The following RTF1 variants were observed in gnomAD, a reference collection of about 807,000 sequenced individuals.
RTF1 encodes the protein RNA polymerase-associated protein RTF1 homolog.
RTF1 carries 10 observed loss-of-function variants against 95.7 expected under a neutral mutation model. That is an observed-to-expected ratio of 0.10 (90% CI 0.06 to 0.18). RTF1 has a LOEUF of 0.18. Among genes scored for constraint, RTF1 ranks in the 10% least tolerant of loss-of-function variants. The pLI is 1.00. For synonymous variants in RTF1, 305 were observed against 311.8 expected (o/e 0.98, Z 0.23); for missense variants, 458 against 875.6 (o/e 0.52, Z 6.02).
chr15:41,478,676 A>G lies in RTF1; in HGVS notation c.1818+51A>G, dbSNP rs768254137. Reference sequence around the variant, plus strand: ...GTCAGGACCTAGATTCTAGGACACAAAATGAATTCCATTAGGAAATTAATA... The same window carrying G: ...GTCAGGACCTAGATTCTAGGACACAGAATGAATTCCATTAGGAAATTAATA... On this transcript the variant is annotated intron_variant, in intron 15 of 17. Transcript: ENST00000389629. 1.1e-4 allele frequency: 155 copies of G among 1,362,624 alleles called. 1 individual carries two copies. Among genetic ancestry groups the G allele is most frequent in the Non-Finnish European group, 1.4e-4 (130 of 957,454 alleles). 84.4% of individuals were successfully genotyped at this position (1,362,624 alleles called of 1,614,324 possible).
At chr15:41,448,103 C>G (rs1347204128) in intron 2 of RTF1, among the ~76,000 whole-genome samples, 1 of 152,068 alleles carries the variant, frequency 6.6e-6, no homozygotes, top group Non-Finnish European at 1.5e-5. Flanking sequence ...CATATCAATT[C>G]TGCTTAGACT....
Position 41,466,251 on chromosome 15 carries a change from A to G in RTF1, c.888A>G (p.Thr296=). 6.5e-7 allele frequency: 1 copy of G among 1,547,120 alleles called. No homozygotes were observed. The highest frequency in any genetic ancestry group is 8.7e-7 in the Non-Finnish European group (1 of 1,147,500). ...AGCGAGAAAAACGAAAGAACAGAAC[A>G]GGTAAGCGAGGGAAATATAATGGCT... The part of the protein sequence containing the change: ...KAEREKRKNR[T]AELLAKKQPL... The change falls in exon 6 of 18, where the codon ACA becomes ACG. Residue 296 remains threonine, a splice_region_variant and synonymous_variant. Transcript: ENST00000389629.
At chr15:41,471,141 A>G (rs371187841) in intron 7 of RTF1, 31 bp from the exon 8 acceptor site, 1 of 1,558,622 alleles carries the variant, frequency 6.4e-7, no homozygotes, top group African/African-American at 1.4e-5. Flanking sequence ...TATGATGAAC[A>G]TTTTTTCCAG....
intron 1 of RTF1, among the ~76,000 whole-genome samples, chr15:41,421,592 T>C (rs2050601842): frequency 6.6e-6 from 1 of 151,480 alleles, no homozygotes; most frequent in Admixed American, 6.6e-5. Flanking sequence ...GGTCCCACCG[T>C]TTCTCTTCAG....
intron 1 of RTF1, among the ~76,000 whole-genome samples, chr15:41,437,392 AG>A (rs1408273332): frequency 6.6e-6 from 1 of 151,584 alleles, no homozygotes; most frequent in Non-Finnish European, 1.5e-5. Context: ...GCTACTCGGG[AG>A]GCTGAGGCAG....
chr15:41,423,519 G>A (rs547828088), intron 1 of RTF1, among the ~76,000 whole-genome samples: 24 of 151,540 alleles, frequency 1.6e-4, no homozygotes, highest in Middle Eastern at 3.5e-3. Flanking sequence ...ACAGGCACGC[G>A]CCACCACTCC....
intron 8 of RTF1, among the ~76,000 whole-genome samples, chr15:41,473,146 T>G (rs2050923066): frequency 6.6e-6 from 1 of 152,044 alleles, no homozygotes; most frequent in African/African-American, 2.4e-5. Context: ...TTTGTTTTGT[T>G]TTTTTGAGAC....
Position 41,477,455 on chromosome 15 carries a change from C to T in RTF1, c.1683-3C>T. 6.2e-7 allele frequency: 1 copy of T among 1,614,228 alleles called. No homozygotes were observed. Among genetic ancestry groups the T allele is most frequent in the Admixed American group, 1.7e-5 (1 of 60,028 alleles). ...CCACTGACTCATCCCTCTTACCCCA[C>T]AGTTACATCAACCAGCGGAACCGGG... On this transcript the variant is annotated splice_region_variant and splice_polypyrimidine_tract_variant and intron_variant, in intron 13 of 17. Coordinates refer to ENST00000389629, the MANE Select transcript of RTF1 (RefSeq NM_015138.5).
chr15:41,478,460 C>A, intron 14 of RTF1, 88 bp from the exon 15 acceptor site: 3 of 935,528 alleles, frequency 3.2e-6, no homozygotes, highest in South Asian at 1.5e-5. Context: ...TTTTCAGTCC[C>A]GTGCAAAGAC....
intron 1 of RTF1, 54 bp from the exon 2 acceptor site, chr15:41,438,267 T>A: frequency 8.2e-7 from 1 of 1,223,672 alleles, no homozygotes; most frequent in Non-Finnish European, 1.2e-6. Flanking sequence ...TTATTATTCT[T>A]GGATATTCTT....
intron 2 of RTF1, among the ~76,000 whole-genome samples, chr15:41,443,259 G>A (rs1282507162): frequency 6.6e-6 from 1 of 152,188 alleles, no homozygotes; most frequent in African/African-American, 2.4e-5. Context: ...TGTCATATTA[G>A]TGAGGAAATA....
rs181700930 is a variant in RTF1 at position 41,479,998 on chromosome 15, C to T, written c.1915-216C>T. ...TAAGCCCACCCTTTCTACACTCATACCACAGACACAAGCCTGCCCTCTTCT... is the reference window on the plus strand; with the variant it reads ...TAAGCCCACCCTTTCTACACTCATATCACAGACACAAGCCTGCCCTCTTCT... On this transcript the variant is annotated intron_variant, in intron 16 of 17. Coordinates refer to ENST00000389629, the MANE Select transcript of RTF1 (RefSeq NM_015138.5). 2.0e-5 allele frequency among the ~76,000 whole-genome samples: 3 copies of T among 152,286 alleles called. No homozygotes were observed. In the East Asian group the frequency reaches 5.8e-4, roughly 29 times the overall value.
At chr15:41,479,822 C>T (rs1427276638) in intron 16 of RTF1, among the ~76,000 whole-genome samples, 3 of 149,844 alleles carry the variant, frequency 2.0e-5, no homozygotes, top group Admixed American at 1.3e-4. Context: ...AAGATTGCAC[C>T]GTTGTACTCC....
chr15:41,457,416 C>T (rs899684648), intron 3 of RTF1, among the ~76,000 whole-genome samples: 1 of 151,892 alleles, frequency 6.6e-6, no homozygotes, highest in Non-Finnish European at 1.5e-5. Flanking sequence ...ATCTGTAATC[C>T]CTGCTACTTG....
intron 1 of RTF1, among the ~76,000 whole-genome samples, chr15:41,437,531 G>A: frequency 6.6e-6 from 1 of 152,038 alleles, no homozygotes; most frequent in East Asian, 1.9e-4. Flanking sequence ...CTGGCATCTA[G>A]TGAGTACAGT....
Position 41,470,240 on chromosome 15 carries a change from C to G in RTF1, c.890-17C>G. ...TTGTTGAGAAAACCTAGGTAAACATCTCTTCTTTCTTTCTAGCTGAGCTCC... is the reference window on the plus strand; with the variant it reads ...TTGTTGAGAAAACCTAGGTAAACATGTCTTCTTTCTTTCTAGCTGAGCTCC... On this transcript the variant is annotated splice_polypyrimidine_tract_variant and intron_variant, in intron 6 of 17. Coordinates refer to ENST00000389629, the MANE Select transcript of RTF1 (RefSeq NM_015138.5). 2 of 1,605,618 alleles carry G rather than the reference C, an allele frequency of 1.2e-6. No individual in the cohort carries two copies. Among genetic ancestry groups the G allele is most frequent in the Non-Finnish European group, 1.7e-6 (2 of 1,175,590 alleles).
At chr15:41,479,731 C>T (rs911310987) in intron 16 of RTF1, among the ~76,000 whole-genome samples, 2 of 151,822 alleles carry the variant, frequency 1.3e-5, no homozygotes, top group African/African-American at 2.4e-5. Flanking sequence ...GGCATGGTGG[C>T]GGGTTCCGAT....
At chr15:41,470,604 T>C (rs1408817481) in intron 7 of RTF1, among the ~76,000 whole-genome samples, 2 of 151,698 alleles carry the variant, frequency 1.3e-5, no homozygotes, top group South Asian at 2.1e-4. Context: ...AGGTAGGAAC[T>C]GACTTCGTGT....
chr15:41,478,407 A>G, intron 14 of RTF1, 141 bp from the exon 15 acceptor site: 1 of 722,222 alleles, frequency 1.4e-6, no homozygotes, highest in Non-Finnish European at 2.3e-6. Flanking sequence ...TCTCAAAAAA[A>G]ATTAAAAAAA....
Sources: gnomAD v4.1 joint callset for allele counts (sites outside exome capture counted in the v4.1 genomes callset) on GRCh38, gnomAD v4.1.1 for gene constraint, MANE v1.5 for transcripts, NCBI Gene and HGNC (gene_info 2026-07-23, HGNC 2026-07-21) for gene names.